The following TMPRSS9 variants were observed in gnomAD, a reference collection of about 807,000 sequenced individuals.
The protein encoded by TMPRSS9 is transmembrane serine protease 9, also known as transmembrane protease serine 9.
A neutral mutation model predicts 111.4 loss-of-function variants in TMPRSS9; 113 were observed. The observed-to-expected ratio is 1.01, with a 90% CI of 0.87 to 1.19. The LOEUF is 1.19. Among genes scored for constraint, TMPRSS9 ranks in the 50% most tolerant of loss-of-function variants. TMPRSS9 has a pLI of 0.00. For missense variants in TMPRSS9, 1,803 were observed against 1,513.1 expected (o/e 1.19, Z -3.18); for synonymous variants, 805 against 659.1 (o/e 1.22, Z -3.39).
At chr19:2,374,580 GAAAAA>G (rs969460430) in intron 1 of TMPRSS9, among the ~76,000 whole-genome samples, 2 of 151,388 alleles carry the variant, frequency 1.3e-5, no homozygotes, top group African/African-American at 4.9e-5. Flanking sequence ...CTCAAAAAAA[GAAAAA>G]AAAGAAAACA....
rs574951641 is a variant in TMPRSS9 at position 2,406,350 on chromosome 19, A to G, written c.842+805A>G. ...TTTATTTTATTTTTTCTTTTGAGAC[A>G]GAGTCTCAGTCTGTCGCCCTGGCTG... On this transcript the variant is annotated intron_variant, in intron 7 of 17. Transcript: ENST00000648592. Among the ~76,000 whole-genome samples the G allele has an allele frequency of 2.2e-5, 3 of 137,100 alleles. No homozygotes were observed. The South Asian group carries it at 7.0e-4, about 32-fold the overall frequency. The allele number at this position is 137,100 out of a possible 152,430, so 89.9% of individuals were successfully genotyped here.
exon 13 of TMPRSS9, chr19:2,418,005 C>T (rs1270329733): frequency 3.1e-6 from 5 of 1,611,390 alleles, no homozygotes; most frequent in South Asian, 1.1e-5. Flanking sequence ...CTGGTAGCCA[C>T]CAAGCCCGAG....
At chr19:2,424,358 G>A (rs556701170) in intron 15 of TMPRSS9, 101 bp downstream of exon 16, 5 of 1,215,244 alleles carry the variant, frequency 4.1e-6, no homozygotes, top group Admixed American at 4.2e-5. Context: ...TTTGCCGGGA[G>A]TGCCCTCCCC....
chr19:2,418,075 C>T (rs1971292468), exon 13 of TMPRSS9: 3 of 1,612,412 alleles, frequency 1.9e-6, no homozygotes, highest in Non-Finnish European at 2.5e-6. Flanking sequence ...TGCTCTACAA[C>T]TTCTCCCTCA....
intron 15 of TMPRSS9, 96 bp from the exon 17 acceptor site, chr19:2,424,906 T>A: frequency 7.4e-6 from 10 of 1,344,812 alleles, no homozygotes; most frequent in Non-Finnish European, 8.6e-6. Flanking sequence ...CCAATAACCC[T>A]GCCCAGGGTG....
chr19:2,367,462 T>C (rs1000565483), intron 1 of TMPRSS9, among the ~76,000 whole-genome samples: 14 of 152,102 alleles, frequency 9.2e-5, no homozygotes, highest in African/African-American at 3.4e-4. Flanking sequence ...TGGTGGAAAC[T>C]TGGCTCCCTG....
At chr19:2,363,380 G>C (rs542537774) in intron 1 of TMPRSS9, among the ~76,000 whole-genome samples, 259 of 152,202 alleles carry the variant, frequency 1.7e-3, no homozygotes, top group Admixed American at 3.3e-3. Context: ...TGTCACTGTG[G>C]TTGGTTAAGG....
At chr19:2,375,675 A>C (rs1187087883) in intron 1 of TMPRSS9, among the ~76,000 whole-genome samples, 1 of 152,124 alleles carries the variant, frequency 6.6e-6, no homozygotes, top group African/African-American at 2.4e-5. Flanking sequence ...ACTGATGGGG[A>C]GAGGGAGTAA....
intron 1 of TMPRSS9, among the ~76,000 whole-genome samples, chr19:2,374,248 CTTTTTTTTTTTTTTTTTTTTTT>C (rs1027376774): frequency 2.8e-5 from 2 of 70,396 alleles, no homozygotes; most frequent in African/African-American, 4.9e-5. Flanking sequence ...TCTCAACAAT[CTTTTTTTTTTTTTTTTTTTTTT>C]TTTTTTTTTT....
rs529252445 is a variant in TMPRSS9, at chr19:2,411,848, G to A, written c.1254+1454G>A. On this transcript the variant is annotated intron_variant, in intron 9 of 17. Coordinates refer to ENST00000648592, the Ensembl canonical transcript of TMPRSS9. ...ATTACAGGTGTGAGCCACCAGGCCC[G>A]GCCGACAATTATAATTTTTGTTTTC... Among the ~76,000 whole-genome samples, 22 of 152,182 alleles carry A rather than the reference G, an allele frequency of 1.4e-4. 1 individual carries two copies. The highest frequency in any genetic ancestry group is 3.4e-3 in the Middle Eastern group (1 of 294).
intron 1 of TMPRSS9, among the ~76,000 whole-genome samples, chr19:2,391,064 G>A (rs1020475360): frequency 1.3e-5 from 2 of 149,130 alleles, no homozygotes; most frequent in South Asian, 2.1e-4. Context: ...AGGCAGGCAG[G>A]CAGGTAGGCA....
chr19:2,421,788 G>A, intron 13 of TMPRSS9, 66 bp from the exon 15 acceptor site: 7 of 1,510,616 alleles, frequency 4.6e-6, no homozygotes, highest in Non-Finnish European at 6.2e-6. Context: ...AACGCAGGAG[G>A]GTATGGCAGT....
chr19:2,379,675 T>A (rs1183610528), intron 1 of TMPRSS9, among the ~76,000 whole-genome samples: 1 of 144,498 alleles, frequency 6.9e-6, no homozygotes, highest in African/African-American at 2.7e-5. Context: ...CTTTCTTTCT[T>A]TCTCTTTTTC....
At chr19:2,413,222 A>G (rs900062064) in intron 9 of TMPRSS9, among the ~76,000 whole-genome samples, 1 of 151,976 alleles carries the variant, frequency 6.6e-6, no homozygotes, top group Non-Finnish European at 1.5e-5. Context: ...AAAAAACGAT[A>G]CACAGAACGT....
intron 1 of TMPRSS9, among the ~76,000 whole-genome samples, chr19:2,365,050 G>T (rs1970238149): frequency 6.6e-6 from 1 of 151,370 alleles, no homozygotes; most frequent in Non-Finnish European, 1.5e-5. Context: ...CAATATTTCT[G>T]TTCTACGTTG....
At chr19:2,418,397 G>T (rs1414804680) in intron 13 of TMPRSS9, among the ~76,000 whole-genome samples, 3 of 6,556 alleles carry the variant, frequency 4.6e-4, no homozygotes, top group African/African-American at 1.8e-3. Context: ...TTCCCTCCCT[G>T]GCCTTTCCTT....
At chr19:2,409,797 G>C (rs1200091095) in intron 8 of TMPRSS9, among the ~76,000 whole-genome samples, 1 of 152,036 alleles carries the variant, frequency 6.6e-6, no homozygotes, top group East Asian at 1.9e-4. Context: ...GCTGGCTGCC[G>C]GGTTGGGAAT....
At chr19:2,374,286 A>T (rs1441200776) in intron 1 of TMPRSS9, among the ~76,000 whole-genome samples, 5 of 61,490 alleles carry the variant, frequency 8.1e-5, no homozygotes, top group Non-Finnish European at 1.3e-4. Flanking sequence ...TTTTTTTTTT[A>T]AAGAGGTAGG....
At chr19:2,419,241 T>C (rs1459094951) in intron 13 of TMPRSS9, among the ~76,000 whole-genome samples, 1 of 148,728 alleles carries the variant, frequency 6.7e-6, no homozygotes, top group Non-Finnish European at 1.5e-5. Flanking sequence ...TCTGGCTCTG[T>C]CGCCCAGGCT....
Sources: gnomAD v4.1 joint callset for allele counts (sites outside exome capture counted in the v4.1 genomes callset) on GRCh38, gnomAD v4.1.1 for gene constraint, MANE v1.5 for transcripts, NCBI Gene and HGNC (gene_info 2026-07-23, HGNC 2026-07-21) for gene names.